DOCK10: variants seen among roughly 807,000 people sequenced by gnomAD.
DOCK10 encodes the protein dedicator of cytokinesis 10.
Under a neutral mutation model 280.1 loss-of-function variants are expected in DOCK10, and 145 were observed. The ratio of observed to expected loss-of-function variants is 0.52; its 90% CI spans 0.45 to 0.59. The LOEUF is 0.59. Among genes scored for constraint, DOCK10 ranks in the 20% least tolerant of loss-of-function variants. DOCK10 has a pLI of 0.00. For missense variants in DOCK10, 2,368 were observed against 2,651.7 expected (o/e 0.89, Z 2.35); for synonymous variants, 915 against 942.2 (o/e 0.97, Z 0.53).
chr2:224,814,105 C>T (rs1693966996), intron 31 of DOCK10, among the ~76,000 whole-genome samples: 1 of 152,062 alleles, frequency 6.6e-6, no homozygotes, highest in Non-Finnish European at 1.5e-5. Flanking sequence ...AAAATATTGC[C>T]AACCTCTGGA....
At chr2:224,882,295 AC>A (rs1050103957) in intron 7 of DOCK10, among the ~76,000 whole-genome samples, 1 of 152,200 alleles carries the variant, frequency 6.6e-6, no homozygotes, top group Non-Finnish European at 1.5e-5. Context: ...AGAAGAAAAA[AC>A]TTGAAGCAGC....
intron 1 of DOCK10, among the ~76,000 whole-genome samples, chr2:224,941,283 AC>A (rs2126073911): frequency 6.6e-6 from 1 of 151,964 alleles, no homozygotes; most frequent in South Asian, 2.1e-4. Flanking sequence ...TGACATTCTA[AC>A]CCAGCTCAGT....
At chr2:224,982,809 T>TTA (rs1553628423) in intron 1 of DOCK10, among the ~76,000 whole-genome samples, 3 of 151,808 alleles carry the variant, frequency 2.0e-5, no homozygotes, top group African/African-American at 7.3e-5. Context: ...TTTTTTTTTT[T>TTA]ATAAACGTAA....
chr2:224,826,988 C>T (rs756518755), intron 27 of DOCK10, among the ~76,000 whole-genome samples: 5 of 149,286 alleles, frequency 3.3e-5, no homozygotes, highest in Non-Finnish European at 5.9e-5. Flanking sequence ...ATGGGCCATG[C>T]GTGGTGGCTC....
chr2:224,875,996 C>A, intron 8 of DOCK10, 42 bp downstream of exon 8: 1 of 1,585,224 alleles, frequency 6.3e-7, no homozygotes, highest in South Asian at 1.2e-5. Context: ...AAACACAGGT[C>A]ACACTGGACA....
At chr2:224,941,433 T>C (rs1294108482) in intron 1 of DOCK10, among the ~76,000 whole-genome samples, 1 of 152,190 alleles carries the variant, frequency 6.6e-6, no homozygotes, top group East Asian at 1.9e-4. Flanking sequence ...TGGCATACTA[T>C]TTCTGCTCCA....
At position 224,845,279 on chromosome 2, in the gene DOCK10, G is replaced by A. The variant is rs763640968; in HGVS notation, c.2405C>T (p.Ser802Phe). ...TGCTATTGGGATGTTGTACTCTTGAGAAGCTATCTGATCGTGTTTCATCAG... is the reference window on the plus strand; with the variant it reads ...TGCTATTGGGATGTTGTACTCTTGAAAAGCTATCTGATCGTGTTTCATCAG... ...LPLMKHDQIA[S>F]QEYNIPIATS... Residue 802 changes from serine to phenylalanine, a missense_variant, in exon 21 of 56, where the codon TCT becomes TTT. Physicochemically the swap from Ser to Phe is radical, Grantham distance 155. Transcript: ENST00000258390. 6 of 1,589,298 alleles carry A rather than the reference G, an allele frequency of 3.8e-6. No individual in the cohort carries two copies. The Admixed American group carries it at 1.1e-4, about 28-fold the overall frequency.
chr2:224,822,864 T>C (rs1694589590), intron 28 of DOCK10, among the ~76,000 whole-genome samples: 1 of 152,148 alleles, frequency 6.6e-6, no homozygotes, highest in African/African-American at 2.4e-5. Context: ...AAGAGAATAA[T>C]ATTACTGTAG....
intron 1 of DOCK10, among the ~76,000 whole-genome samples, chr2:224,950,456 T>C (rs1023339389): frequency 1.3e-5 from 2 of 152,148 alleles, no homozygotes; most frequent in Non-Finnish European, 2.9e-5. Flanking sequence ...AATTAAGCAA[T>C]TGGCCCAAAG....
chr2:225,019,335 C>G (rs141099916), intron 1 of DOCK10, among the ~76,000 whole-genome samples: 29 of 152,180 alleles, frequency 1.9e-4, no homozygotes, highest in African/African-American at 6.7e-4. Context: ...CAACTAAATA[C>G]ATGGTCTGGG....
chr2:225,035,940 C>G (rs932459111), intron 1 of DOCK10, among the ~76,000 whole-genome samples: 26 of 151,962 alleles, frequency 1.7e-4, no homozygotes, highest in African/African-American at 6.3e-4. Flanking sequence ...ATGACCGAAT[C>G]TACCCCTAAT....
chr2:224,993,070 C>A (rs1295445732), intron 1 of DOCK10, among the ~76,000 whole-genome samples: 1 of 152,164 alleles, frequency 6.6e-6, no homozygotes, highest in Non-Finnish European at 1.5e-5. Flanking sequence ...AACTGAAAAT[C>A]AGGCAGTGGA....
chr2:224,884,177 A>G (rs1327094097), intron 7 of DOCK10, among the ~76,000 whole-genome samples: 1 of 152,130 alleles, frequency 6.6e-6, no homozygotes, highest in Non-Finnish European at 1.5e-5. Context: ...GAAACAGTTA[A>G]TTTTTTCCTT....
At chr2:224,918,486 GGTGTGT>G (rs150080872) in intron 2 of DOCK10, among the ~76,000 whole-genome samples, 1 of 149,098 alleles carries the variant, frequency 6.7e-6, no homozygotes, top group African/African-American at 2.5e-5. Flanking sequence ...TTTGTGGTGC[GGTGTGT>G]GTGTGTGTGG....
At chr2:224,922,046 G>T (rs1701783307) in intron 2 of DOCK10, among the ~76,000 whole-genome samples, 1 of 151,570 alleles carries the variant, frequency 6.6e-6, no homozygotes, top group South Asian at 2.1e-4. Context: ...TTGAACCCGG[G>T]TGGCGGAGGT....
chr2:224,913,726 A>ATTTG (rs1306719539), intron 3 of DOCK10, among the ~76,000 whole-genome samples: 1 of 150,814 alleles, frequency 6.6e-6, no homozygotes, highest in Non-Finnish European at 1.5e-5. Context: ...CTGTTTATTT[A>ATTTG]TTTATTTATT....
intron 1 of DOCK10, among the ~76,000 whole-genome samples, chr2:224,989,472 AC>A (rs1407180313): frequency 6.6e-6 from 1 of 152,126 alleles, no homozygotes; most frequent in Non-Finnish European, 1.5e-5. Flanking sequence ...ATCATGTTGG[AC>A]TTTTTTTGTA....
At chr2:224,906,580 G>A (rs1159850090) in intron 3 of DOCK10, among the ~76,000 whole-genome samples, 4 of 152,124 alleles carry the variant, frequency 2.6e-5, no homozygotes, top group Admixed American at 6.5e-5. Flanking sequence ...CTGGATTCAC[G>A]CCATTCTCCT....
At chr2:224,914,866 A>G (rs1176482724) in intron 3 of DOCK10, among the ~76,000 whole-genome samples, 4 of 152,192 alleles carry the variant, frequency 2.6e-5, no homozygotes, top group Non-Finnish European at 5.9e-5. Flanking sequence ...CTAAGAAATT[A>G]AATACGAACT....
Sources: gnomAD v4.1 joint callset for allele counts (sites outside exome capture counted in the v4.1 genomes callset) on GRCh38, gnomAD v4.1.1 for gene constraint, MANE v1.5 for transcripts, NCBI Gene and HGNC (gene_info 2026-07-23, HGNC 2026-07-21) for gene names.